The following RPL3L variants were observed in gnomAD, a reference collection of about 807,000 sequenced individuals.
The protein encoded by RPL3L is ribosomal protein uL3-like.
In RPL3L, 44 loss-of-function variants were observed where a neutral mutation model predicts 44.5. The observed-to-expected ratio is 0.99, with a 90% CI of 0.78 to 1.27. The LOEUF is 1.27. RPL3L is among the 50% of genes most tolerant of loss of function. The pLI, the probability that RPL3L is intolerant of heterozygous loss-of-function variation, is 0.00. For missense variants in RPL3L, 631 were observed against 569.1 expected (o/e 1.11, Z -1.11); for synonymous variants, 292 against 230.7 (o/e 1.27, Z -2.41).
chr16:1,946,026 T>C, intron 7 of RPL3L, 96 bp from the exon 8 acceptor site: 1 of 1,051,800 alleles, frequency 9.5e-7, no homozygotes, highest in Non-Finnish European at 1.4e-6. Context: ...GGGGCAGTGA[T>C]AGGCAGGAGC....
chr16:1,950,899 T>A lies in RPL3L; in HGVS notation c.446A>T (p.Asp149Val). ...DTDGKKQLQK[D>V]FAAMKKYCKV... is the part of the protein sequence containing the mutation. ...GCAGTACTTCTTCATGGCGGCGAAG[T>A]CCTTCTGTAGCTGCTTTTTCCCGTC... The change falls in exon 4 of 10, where the codon GAC becomes GTC. Residue 149 changes from aspartate (D) to valine (V), a missense_variant. By Grantham distance (152) the Asp-to-Val change is radical. Coordinates refer to ENST00000268661, the MANE Select transcript of RPL3L (RefSeq NM_005061.3). 1 of 1,614,032 alleles carries A rather than the reference T, an allele frequency of 6.2e-7. No homozygotes were observed. Among genetic ancestry groups the A allele is most frequent in the South Asian group, 1.1e-5 (1 of 91,076 alleles).
rs1051063148 is a variant in RPL3L, at chr16:1,953,106, G to T, written c.197-64C>A. 9 of 1,516,280 alleles carry T rather than the reference G, an allele frequency of 5.9e-6. No individual in the cohort carries two copies. The African/African-American group carries it at 9.7e-5, about 16-fold the overall frequency. The allele number at this position is 1,516,280 out of a possible 1,614,324, so 93.9% of individuals were successfully genotyped here. Reference sequence around the variant, plus strand: ...CCTGAGGCCTGTGGGGGAGGGAGTGGAGAGCCGCCCACATAGGGGCAGGAC... The same window carrying T: ...CCTGAGGCCTGTGGGGGAGGGAGTGTAGAGCCGCCCACATAGGGGCAGGAC... On this transcript the variant is annotated intron_variant, in intron 2 of 9. Transcript: ENST00000268661.
chr16:1,944,612 C>A lies in RPL3L; in HGVS notation c.*225G>T. 13 of 410,080 alleles carry A rather than the reference C, an allele frequency of 3.2e-5. No individual in the cohort carries two copies. The highest frequency in any genetic ancestry group is 4.5e-5 in the Non-Finnish European group (10 of 220,166). The allele number at this position is 410,080 out of a possible 1,614,324, so 25.4% of individuals were successfully genotyped here. ...GAGATCGATTTGAGTAATAATAAAA[C>A]ATAAAACTCCGGTCTCCCGCACAGC... On this transcript the variant is annotated 3_prime_UTR_variant, in exon 10 of 10. Coordinates refer to ENST00000268661, the MANE Select transcript of RPL3L (RefSeq NM_005061.3).
chr16:1,950,928 G>C lies in RPL3L; in HGVS notation c.417C>G (p.Asp139Glu). The change falls in exon 4 of 10, where the codon GAC becomes GAG. Residue 139 changes from aspartate (D) to glutamate (E), a missense_variant. Transcript: ENST00000268661. ...TCTGTAGCTGCTTTTTCCCGTCTGT[G>C]TCCCGCCACCTCTTGCAGGCCTTGG... Reference protein sequence around the residue: ...AFTKACKRWRDTDGKKQLQKD... With the variant: ...AFTKACKRWRETDGKKQLQKD... 2 of 1,614,006 alleles carry C rather than the reference G, an allele frequency of 1.2e-6. No individual in the cohort carries two copies. Among genetic ancestry groups the C allele is most frequent in the Non-Finnish European group, 1.7e-6 (2 of 1,179,970 alleles).
chr16:1,946,520 G>A, intron 7 of RPL3L, 105 bp downstream of exon 7: 1 of 1,170,852 alleles, frequency 8.5e-7, no homozygotes, highest in African/African-American at 1.7e-5. Context: ...GCTGAGGCTG[G>A]GGCATGCCCC....
chr16:1,949,425 G>A (rs1479593013), intron 4 of RPL3L, among the ~76,000 whole-genome samples: 2 of 151,506 alleles, frequency 1.3e-5, no homozygotes, highest in East Asian at 3.9e-4. Context: ...TAATTTGTTT[G>A]TATTTTTACT....
Position 1,952,908 on chromosome 16 carries a change from T to G in RPL3L, c.331A>C (p.Ser111Arg). Reference protein sequence around the residue: ...SFKTIFAEHLSDECRRRFYKD... With the variant: ...SFKTIFAEHLRDECRRRFYKD... ...TAGAATCGGCGCCGGCACTCATCACTGAGGTGTTCTGCAAAGATGGTCTTG... is the reference window on the plus strand; with the variant it reads ...TAGAATCGGCGCCGGCACTCATCACGGAGGTGTTCTGCAAAGATGGTCTTG... The change falls in exon 3 of 10, where the codon AGT (serine) becomes CGT (arginine). Residue 111 changes from serine to arginine, a missense_variant. Ser to Arg is a moderately radical substitution (Grantham distance 110). Transcript: ENST00000268661. 6.2e-7 allele frequency: 1 copy of G among 1,613,982 alleles called. No homozygotes were observed. The highest frequency in any genetic ancestry group is 1.1e-5 in the South Asian group (1 of 91,084).
intron 4 of RPL3L, among the ~76,000 whole-genome samples, chr16:1,948,002 A>C (rs1304918402): frequency 7.2e-6 from 1 of 138,478 alleles, no homozygotes. Flanking sequence ...CAATGGCATG[A>C]TCTCGGCTCA....
chr16:1,954,492 T>C, intron 1 of RPL3L, 137 bp downstream of exon 1: 2 of 1,022,706 alleles, frequency 2.0e-6, no homozygotes, highest in Non-Finnish European at 2.8e-6. Context: ...CTCGTCCCCT[T>C]GTTTCCCCCT....
chr16:1,946,750 G>A (rs1450850046), intron 6 of RPL3L, 24 bp from the exon 7 acceptor site: 15 of 1,610,512 alleles, frequency 9.3e-6, no homozygotes, highest in Non-Finnish European at 1.2e-5. Context: ...GCACATGCCA[G>A]GGGCAGGAAG....
intron 2 of RPL3L, 128 bp from the exon 3 acceptor site, chr16:1,953,170 G>C: frequency 2.1e-6 from 2 of 941,532 alleles, no homozygotes; most frequent in South Asian, 3.5e-5. Flanking sequence ...ATTCCCCAGA[G>C]GGTGGGGCTG....
At chr16:1,945,222 G>A (rs2083111637) in intron 9 of RPL3L, among the ~76,000 whole-genome samples, 2 of 152,074 alleles carry the variant, frequency 1.3e-5, no homozygotes, top group South Asian at 4.2e-4. Flanking sequence ...TGGCGTGGTG[G>A]CACGTGCCTG....
intron 4 of RPL3L, among the ~76,000 whole-genome samples, chr16:1,949,259 C>CTTTTTTTTTTTTTTTTTTTTTTTTT (rs58248501): frequency 1.7e-4 from 13 of 75,254 alleles, no homozygotes; most frequent in Non-Finnish European, 2.6e-4. Flanking sequence ...TTTTTTTTTT[C>CTTTTTTTTTTTTTTTTTTTTTTTTT]TTTTTTTTTT....
At chr16:1,948,610 C>T (rs904355867) in intron 4 of RPL3L, among the ~76,000 whole-genome samples, 2 of 152,160 alleles carry the variant, frequency 1.3e-5, no homozygotes, top group Non-Finnish European at 2.9e-5. Context: ...TCAAGGCTCA[C>T]TGCAGCCTCA....
chr16:1,945,280 A>T (rs544836850), intron 9 of RPL3L, among the ~76,000 whole-genome samples: 72 of 148,554 alleles, frequency 4.8e-4, no homozygotes, highest in South Asian at 1.3e-3. Context: ...GCTTGAACCC[A>T]GGAGGTGGAG....
chr16:1,947,285 G>A lies in RPL3L; in HGVS notation c.597C>T (p.Ala199=), dbSNP rs1368635841. ...TVAEKVAWAQ[A]RLEKQVPVHS... is the part of the protein sequence containing the mutation. Reference sequence around the variant, plus strand: ...GCACGGGCACCTGCTTCTCCAGCCGGGCCTGGGCCCAGGCCACCTTCTCGG... The same window carrying A: ...GCACGGGCACCTGCTTCTCCAGCCGAGCCTGGGCCCAGGCCACCTTCTCGG... The change falls in exon 5 of 10, where the codon GCC becomes GCT. Residue 199 remains alanine, a synonymous_variant. Transcript: ENST00000268661. 1 of 1,613,138 alleles carries A rather than the reference G, an allele frequency of 6.2e-7. No homozygotes were observed. Among genetic ancestry groups the A allele is most frequent in the Admixed American group, 1.7e-5 (1 of 59,984 alleles).
At chr16:1,953,843 C>G (rs2150866301) in intron 2 of RPL3L, 113 bp downstream of exon 2, 1 of 1,118,586 alleles carries the variant, frequency 8.9e-7, no homozygotes, top group Non-Finnish European at 1.2e-6. Context: ...GGGGGCGAGG[C>G]CTGGTGCTCC....
At chr16:1,951,600 T>C (rs549006978) in intron 3 of RPL3L, among the ~76,000 whole-genome samples, 1 of 152,182 alleles carries the variant, frequency 6.6e-6, no homozygotes, top group Non-Finnish European at 1.5e-5. Flanking sequence ...CAGGCTGGTC[T>C]CGAAGCCCTG....
intron 1 of RPL3L, 63 bp from the exon 2 acceptor site, chr16:1,954,211 C>T (rs2083191574): frequency 7.0e-7 from 1 of 1,429,362 alleles, no homozygotes; most frequent in Non-Finnish European, 9.3e-7. Flanking sequence ...CTGGATGGTC[C>T]CAGAACCCAT....
Sources: allele counts gnomAD v4.1 joint callset (sites outside exome capture counted in the v4.1 genomes callset), GRCh38; gene constraint gnomAD v4.1.1; transcripts MANE v1.5; gene names NCBI Gene and HGNC (gene_info 2026-07-23, HGNC 2026-07-21).